C10orf90: variants seen among roughly 807,000 people sequenced by gnomAD.
C10orf90 encodes (E2-independent) E3 ubiquitin-conjugating enzyme FATS.
A neutral mutation model predicts 62.5 loss-of-function variants in C10orf90; 56 were observed. That is an observed-to-expected ratio of 0.90 (90% confidence interval 0.72 to 1.12). C10orf90 has a LOEUF of 1.12. Ranked by LOEUF, C10orf90 falls within the 50% of genes most tolerant of loss-of-function variation. The pLI, the probability that C10orf90 is intolerant of heterozygous loss-of-function variation, is 0.00. For synonymous variants in C10orf90, 386 were observed against 340.4 expected (o/e 1.13, Z -1.47); for missense variants, 970 against 880.4 (o/e 1.10, Z -1.29).
chr10:126,654,629 T>C (rs1199844072), intron 1 of C10orf90, among the ~76,000 whole-genome samples: 1 of 152,214 alleles, frequency 6.6e-6, no homozygotes, highest in Non-Finnish European at 1.5e-5. Flanking sequence ...GCACTTTTAA[T>C]TTCCTTCAAG....
intron 4 of C10orf90, among the ~76,000 whole-genome samples, chr10:126,487,096 G>A (rs1466279864): frequency 8.3e-6 from 1 of 120,126 alleles, no homozygotes; most frequent in Non-Finnish European, 1.6e-5. Flanking sequence ...AGTGAGCCAA[G>A]ATGTGCCATT....
chr10:126,542,633 G>A (rs1003349708), intron 2 of C10orf90, among the ~76,000 whole-genome samples: 8 of 152,134 alleles, frequency 5.3e-5, no homozygotes, highest in East Asian at 1.9e-4. Flanking sequence ...AGTTAATTTC[G>A]TATTATACGA....
intron 1 of C10orf90, among the ~76,000 whole-genome samples, chr10:126,669,030 A>C (rs974115480): frequency 6.6e-5 from 10 of 152,148 alleles, no homozygotes; most frequent in African/African-American, 1.9e-4. Context: ...GTAATTCAAC[A>C]AGTTTTTCTC....
At chr10:126,625,226 C>T (rs1416195394) in intron 2 of C10orf90, among the ~76,000 whole-genome samples, 2 of 152,136 alleles carry the variant, frequency 1.3e-5, no homozygotes, top group Non-Finnish European at 2.9e-5. Flanking sequence ...GCTGGGAGCC[C>T]CTGAGCCTCA....
At chr10:126,543,707 A>T (rs539775891) in intron 2 of C10orf90, among the ~76,000 whole-genome samples, 1 of 152,310 alleles carries the variant, frequency 6.6e-6, no homozygotes, top group Admixed American at 6.5e-5. Flanking sequence ...TACCATTAGC[A>T]CATATGCTTA....
At chr10:126,503,847 C>T (rs560091964) in intron 4 of C10orf90, 110 bp downstream of exon 4, 2 of 1,321,428 alleles carry the variant, frequency 1.5e-6, no homozygotes, top group East Asian at 4.8e-5. Context: ...CACTGCAAGT[C>T]TACTGAGAAA....
intron 2 of C10orf90, among the ~76,000 whole-genome samples, chr10:126,568,891 C>T (rs1022763028): frequency 1.3e-5 from 2 of 152,032 alleles, no homozygotes; most frequent in East Asian, 1.9e-4. Flanking sequence ...ATCTTAAGGA[C>T]GGTTCAGGAA....
In C10orf90 at chr10:126,497,225, CA is replaced by C. The variant is rs369847662; in HGVS notation, c.1534+6731del. Among the ~76,000 whole-genome samples, 13 of 152,206 alleles carry C rather than the reference CA, an allele frequency of 8.5e-5. No homozygotes were observed. In the East Asian group the frequency reaches 1.7e-3, roughly 20 times the overall value. On this transcript the variant is annotated intron_variant, in intron 4 of 9. Coordinates refer to ENST00000488181, the MANE Select transcript of C10orf90 (RefSeq NM_001350921.2). ...GAAAGGTGGCAGGCAAGCTGGAGGC[CA>C]AGGTTGAATTGCAGTGGGCACCTGC...
At chr10:126,660,048 C>T (rs1846476541) in intron 1 of C10orf90, among the ~76,000 whole-genome samples, 1 of 152,220 alleles carries the variant, frequency 6.6e-6, no homozygotes, top group South Asian at 2.1e-4. Flanking sequence ...TGCTTTCAAT[C>T]CCAAGGGCTC....
chr10:126,541,025 TG>T (rs35814825), intron 2 of C10orf90, among the ~76,000 whole-genome samples: 7,922 of 152,250 alleles, frequency 0.052, 294 homozygotes, highest in Non-Finnish European at 0.082. Context: ...GATAGAAGGA[TG>T]TTTTGATACT....
intron 4 of C10orf90, among the ~76,000 whole-genome samples, chr10:126,470,767 A>C (rs1184865584): frequency 2.0e-5 from 3 of 151,836 alleles, no homozygotes; most frequent in Non-Finnish European, 4.4e-5. Context: ...AAAAAAATAC[A>C]GAAAGGAAGA....
Position 126,505,189 on chromosome 10 carries a change from C to T in C10orf90, c.406-104G>A, listed in dbSNP as rs112676986. On this transcript the variant is annotated intron_variant, in intron 3 of 9. Transcript: ENST00000488181. ...GGATGCCAGAGCACTGGGTTCATAA[C>T]ACTCAGATGTCTTGTCCAAGGCTTT... 71 of 1,198,396 alleles carry T rather than the reference C, an allele frequency of 5.9e-5. 6 individuals carry two copies. In the African/African-American group the frequency reaches 7.6e-4, roughly 13 times the overall value. The allele number at this position is 1,198,396 out of a possible 1,614,324, so 74.2% of individuals were successfully genotyped here.
At chr10:126,463,689 C>T (rs1361558173) in intron 5 of C10orf90, among the ~76,000 whole-genome samples, 3 of 152,226 alleles carry the variant, frequency 2.0e-5, no homozygotes, top group Admixed American at 6.5e-5. Context: ...GTCAAATATA[C>T]TTTCAAGTTC....
chr10:126,613,488 C>T (rs1845480400), intron 2 of C10orf90, among the ~76,000 whole-genome samples: 2 of 152,192 alleles, frequency 1.3e-5, no homozygotes, highest in South Asian at 4.1e-4. Context: ...TCAAGCAATC[C>T]TCCCACCTGG....
At chr10:126,609,313 G>C (rs949174848) in intron 2 of C10orf90, among the ~76,000 whole-genome samples, 1 of 152,210 alleles carries the variant, frequency 6.6e-6, no homozygotes, top group African/African-American at 2.4e-5. Context: ...TGAGGCAAGA[G>C]AATCACTTGA....
intron 1 of C10orf90, among the ~76,000 whole-genome samples, chr10:126,653,570 T>A (rs977544028): frequency 9.2e-5 from 14 of 152,176 alleles, no homozygotes; most frequent in African/African-American, 3.4e-4. Context: ...TTCTACAACA[T>A]CTTTAGTTAC....
chr10:126,584,324 G>A (rs1010744032), intron 2 of C10orf90, among the ~76,000 whole-genome samples: 2 of 151,330 alleles, frequency 1.3e-5, no homozygotes, highest in Non-Finnish European at 2.9e-5. Flanking sequence ...CCATCTGCCT[G>A]TCTGCTTGTC....
chr10:126,428,069 C>T (rs539199102), intron 8 of C10orf90, among the ~76,000 whole-genome samples: 6 of 151,904 alleles, frequency 3.9e-5, no homozygotes, highest in African/African-American at 1.2e-4. Context: ...CAGTCAAAAC[C>T]GACAAAGAAA....
chr10:126,442,188 A>G (rs1218277026), intron 7 of C10orf90, among the ~76,000 whole-genome samples: 2 of 151,778 alleles, frequency 1.3e-5, no homozygotes, highest in Admixed American at 6.6e-5. Flanking sequence ...ACTCACATAA[A>G]CTTAAACTAA....
Sources: allele counts gnomAD v4.1 joint callset (sites outside exome capture counted in the v4.1 genomes callset), GRCh38; gene constraint gnomAD v4.1.1; transcripts MANE v1.5; gene names NCBI Gene and HGNC (gene_info 2026-07-23, HGNC 2026-07-21).